Variants in IGF2BP2 observed in about 807,000 individuals in gnomAD.
IGF2BP2 encodes the protein insulin like growth factor 2 mRNA binding protein 2.
Under a neutral mutation model 75.8 loss-of-function variants are expected in IGF2BP2, and 17 were observed. That is an observed-to-expected ratio of 0.22 (90% CI 0.15 to 0.34). The LOEUF is 0.34. Among genes scored for constraint, IGF2BP2 ranks in the 10% least tolerant of loss-of-function variants. The pLI is 1.00. For missense variants in IGF2BP2, 516 were observed against 772.4 expected (o/e 0.67, Z 3.93); for synonymous variants, 288 against 295.6 (o/e 0.97, Z 0.26).
intron 2 of IGF2BP2, among the ~76,000 whole-genome samples, chr3:185,738,616 T>C (rs1194253605): frequency 1.3e-5 from 2 of 152,214 alleles, no homozygotes; most frequent in African/African-American, 4.8e-5. Flanking sequence ...TGTTTTATTA[T>C]ATGAAGGTTT....
intron 7 of IGF2BP2, among the ~76,000 whole-genome samples, chr3:185,683,627 T>A (rs1351710305): frequency 6.6e-6 from 1 of 152,178 alleles, no homozygotes; most frequent in Non-Finnish European, 1.5e-5. Context: ...CAGGCCAATC[T>A]CAAACTCCTG....
At chr3:185,712,110 T>C (rs1422921834) in intron 2 of IGF2BP2, among the ~76,000 whole-genome samples, 1 of 152,184 alleles carries the variant, frequency 6.6e-6, no homozygotes, top group Non-Finnish European at 1.5e-5. Flanking sequence ...CAGAGTCACC[T>C]GTAGATTCAG....
intron 6 of IGF2BP2, among the ~76,000 whole-genome samples, chr3:185,688,274 T>C (rs563682551): frequency 6.6e-6 from 1 of 152,370 alleles, no homozygotes; most frequent in Admixed American, 6.5e-5. Context: ...TTCATATTAA[T>C]TATTTCACTC....
intron 5 of IGF2BP2, among the ~76,000 whole-genome samples, chr3:185,690,523 C>T (rs982416884): frequency 6.6e-6 from 1 of 152,158 alleles, no homozygotes; most frequent in African/African-American, 2.4e-5. Flanking sequence ...GACTGTTTAA[C>T]ATTCTATTGA....
At chr3:185,790,570 C>T (rs537093566) in intron 2 of IGF2BP2, among the ~76,000 whole-genome samples, 2 of 152,164 alleles carry the variant, frequency 1.3e-5, no homozygotes, top group East Asian at 3.9e-4. Flanking sequence ...CCCTTTACTT[C>T]GCTGATTTCT....
At chr3:185,816,491 G>A (rs1017344446) in intron 2 of IGF2BP2, among the ~76,000 whole-genome samples, 4 of 152,020 alleles carry the variant, frequency 2.6e-5, no homozygotes, top group Admixed American at 6.6e-5. Context: ...TACCACCCTC[G>A]AACAGCATTC....
intron 2 of IGF2BP2, among the ~76,000 whole-genome samples, chr3:185,719,737 G>A (rs1028079816): frequency 2.0e-5 from 3 of 152,154 alleles, no homozygotes; most frequent in Non-Finnish European, 2.9e-5. Flanking sequence ...GGAAGGCTGA[G>A]GCAAGAGAAT....
intron 2 of IGF2BP2, among the ~76,000 whole-genome samples, chr3:185,741,811 T>C (rs1729589722): frequency 6.6e-6 from 1 of 152,174 alleles, no homozygotes; most frequent in Non-Finnish European, 1.5e-5. Flanking sequence ...GCATGTTATA[T>C]CTATGACTGA....
intron 10 of IGF2BP2, among the ~76,000 whole-genome samples, chr3:185,668,533 A>ATG (rs35052540): frequency 1.4e-4 from 21 of 147,418 alleles, no homozygotes; most frequent in African/African-American, 5.2e-4. Flanking sequence ...ATATATATAT[A>ATG]GTGTACTACA....
chr3:185,730,049 T>C (rs1727933753), intron 2 of IGF2BP2, among the ~76,000 whole-genome samples: 1 of 152,198 alleles, frequency 6.6e-6, no homozygotes, highest in Non-Finnish European at 1.5e-5. Context: ...ATAATGAAGT[T>C]TGGGTTTCTA....
rs1712966847 is a variant in IGF2BP2, at chr3:185,643,369, C to CTAG, written c.*2161_*2162insCTA. Among the ~76,000 whole-genome samples, 1 of 152,224 alleles carries CTAG rather than the reference C, an allele frequency of 6.6e-6. No individual in the cohort carries two copies. On this transcript the variant is annotated 3_prime_UTR_variant, in exon 16 of 16. Coordinates refer to ENST00000382199, the MANE Select transcript of IGF2BP2 (RefSeq NM_006548.6). Reference sequence around the variant, plus strand: ...GACTGGTCTTCTCTAGCTTGACATGCAGTCGATCCATCCCTCTAGCTCCGA... The same window carrying CTAG: ...GACTGGTCTTCTCTAGCTTGACATGCTAGAGTCGATCCATCCCTCTAGCTCCGA...
In IGF2BP2 at chr3:185,782,184, C is replaced by T. The variant is rs529947652; in HGVS notation, c.239+40969G>A. Among the ~76,000 whole-genome samples the T allele has an allele frequency of 2.6e-5, 4 of 152,212 alleles. No homozygotes were observed. In the South Asian group the frequency reaches 8.3e-4, roughly 32 times the overall value. On this transcript the variant is annotated intron_variant, in intron 2 of 15. Transcript: ENST00000382199. ...GAGATGGCCCTAGTAGTGAGTACTG[C>T]TAAAAACACCCTCTTTGTGCCAGGA...
chr3:185,681,481 C>T (rs1260361482), intron 7 of IGF2BP2, among the ~76,000 whole-genome samples: 1 of 152,120 alleles, frequency 6.6e-6, no homozygotes, highest in Admixed American at 6.5e-5. Context: ...GATTGGAATA[C>T]TTAATATTGT....
chr3:185,786,621 A>G (rs1735928267), intron 2 of IGF2BP2, among the ~76,000 whole-genome samples: 2 of 152,058 alleles, frequency 1.3e-5, no homozygotes, highest in Admixed American at 6.6e-5. Flanking sequence ...GCCCCACCCT[A>G]GGTCCCTTCG....
At chr3:185,793,945 C>G (rs1189585194) in intron 2 of IGF2BP2, among the ~76,000 whole-genome samples, 1 of 146,006 alleles carries the variant, frequency 6.8e-6, no homozygotes, top group Non-Finnish European at 1.5e-5. Context: ...AAGGAATGGT[C>G]AAAGCAGATT....
chr3:185,648,658 A>G (rs1381266033), intron 14 of IGF2BP2, among the ~76,000 whole-genome samples: 1 of 152,164 alleles, frequency 6.6e-6, no homozygotes, highest in Non-Finnish European at 1.5e-5. Flanking sequence ...CAGGTCAGTA[A>G]GTCACATTCC....
chr3:185,768,143 G>C (rs929999967), intron 2 of IGF2BP2, among the ~76,000 whole-genome samples: 1 of 152,166 alleles, frequency 6.6e-6, no homozygotes, highest in Non-Finnish European at 1.5e-5. Flanking sequence ...AGGGAAAAGA[G>C]ACAAAGGGGC....
At chr3:185,655,990 T>C (rs1457159588) in intron 12 of IGF2BP2, among the ~76,000 whole-genome samples, 2 of 152,258 alleles carry the variant, frequency 1.3e-5, no homozygotes, top group African/African-American at 2.4e-5. Context: ...CCCTGCCACA[T>C]GTGTGCCTTG....
chr3:185,755,262 C>A (rs1486902099), intron 2 of IGF2BP2, among the ~76,000 whole-genome samples: 1 of 152,222 alleles, frequency 6.6e-6, no homozygotes, highest in Non-Finnish European at 1.5e-5. Flanking sequence ...GTTCACAGGG[C>A]CCCAGGTACA....
Sources: allele counts gnomAD v4.1 joint callset (sites outside exome capture counted in the v4.1 genomes callset), GRCh38; gene constraint gnomAD v4.1.1; transcripts MANE v1.5; gene names NCBI Gene and HGNC (gene_info 2026-07-23, HGNC 2026-07-21).